LRP1B: variants seen among roughly 807,000 people sequenced by gnomAD.
LRP1B encodes the protein LDL receptor related protein 1B.
A neutral mutation model predicts 556.6 loss-of-function variants in LRP1B; 217 were observed. The ratio of observed to expected loss-of-function variants is 0.39; its 90% confidence interval spans 0.35 to 0.44. LRP1B has a LOEUF of 0.44. LRP1B is among the 20% of genes least tolerant of loss of function. The pLI, the probability that LRP1B is intolerant of heterozygous loss-of-function variation, is 1.00. For missense variants in LRP1B, 5,053 were observed against 5,620.8 expected, an observed-to-expected ratio of 0.90 and a Z score of 3.23; for synonymous variants, 2,047 against 1,865.8, an observed-to-expected ratio of 1.10 and a Z score of -2.50.
At chr2:140,994,465 G>C (rs1697185083) in intron 15 of LRP1B, among the ~76,000 whole-genome samples, 2 of 151,516 alleles carry the variant, frequency 1.3e-5, no homozygotes, top group Non-Finnish European at 2.9e-5. Context: ...AGTGGTAATG[G>C]AGAGGAGAAG....
chr2:141,614,289 A>G (rs535061640), intron 2 of LRP1B, among the ~76,000 whole-genome samples: 1 of 152,048 alleles, frequency 6.6e-6, no homozygotes, highest in African/African-American at 2.4e-5. Flanking sequence ...TTTCACTGCA[A>G]GTTTTCCTGT....
intron 37 of LRP1B, among the ~76,000 whole-genome samples, chr2:140,708,529 T>A (rs1686921295): frequency 6.6e-6 from 1 of 150,954 alleles, no homozygotes; most frequent in Non-Finnish European, 1.5e-5. Context: ...CACACATATA[T>A]AATATTTCAT....
At chr2:142,111,469 A>G (rs1706986416) in intron 1 of LRP1B, among the ~76,000 whole-genome samples, 1 of 152,154 alleles carries the variant, frequency 6.6e-6, no homozygotes, top group Non-Finnish European at 1.5e-5. Flanking sequence ...GCATTCAAGT[A>G]TAGGAAGCAA....
At chr2:140,804,648 AATTTTTTTTTTTTTTT>A (rs1690648075) in intron 32 of LRP1B, among the ~76,000 whole-genome samples, 1 of 103,892 alleles carries the variant, frequency 9.6e-6, no homozygotes. Context: ...GGTAAAAACT[AATTTTTTTTTTTTTTT>A]TTTTTTTTTT....
At chr2:141,592,513 C>G (rs528583268) in intron 2 of LRP1B, among the ~76,000 whole-genome samples, 3 of 152,236 alleles carry the variant, frequency 2.0e-5, no homozygotes, top group African/African-American at 7.2e-5. Flanking sequence ...ATGATGGTAT[C>G]TTGGTGATTA....
At chr2:141,351,718 T>C (rs1688449714) in intron 3 of LRP1B, among the ~76,000 whole-genome samples, 1 of 152,014 alleles carries the variant, frequency 6.6e-6, no homozygotes, top group Non-Finnish European at 1.5e-5. Flanking sequence ...AATACTCTAA[T>C]AACATGAAAT....
chr2:141,220,769 T>TA (rs34002651), intron 6 of LRP1B, among the ~76,000 whole-genome samples: 11,567 of 137,008 alleles, frequency 0.084, 517 homozygotes, highest in South Asian at 0.14. Flanking sequence ...TCAACATTCT[T>TA]AAAAAAAAAA....
chr2:141,677,316 T>C (rs1690921748), intron 2 of LRP1B, among the ~76,000 whole-genome samples: 1 of 152,086 alleles, frequency 6.6e-6, no homozygotes, highest in African/African-American at 2.4e-5. Context: ...GGCAGGAAAC[T>C]GATTAGGCAA....
intron 87 of LRP1B, among the ~76,000 whole-genome samples, chr2:140,241,910 A>C (rs1053457246): frequency 1.3e-5 from 2 of 151,034 alleles, no homozygotes; most frequent in African/African-American, 4.8e-5. Flanking sequence ...ACTGAAAAAC[A>C]TAGACTCTGT....
intron 18 of LRP1B, among the ~76,000 whole-genome samples, chr2:140,957,405 C>T (rs1695905719): frequency 6.6e-6 from 1 of 151,292 alleles, no homozygotes; most frequent in African/African-American, 2.4e-5. Context: ...AATAGGCTTG[C>T]AAGACAGAGT....
At chr2:140,536,906 G>T (rs1286335710) in intron 45 of LRP1B, among the ~76,000 whole-genome samples, 197 bp from the exon 46 acceptor site, 2 of 151,502 alleles carry the variant, frequency 1.3e-5, no homozygotes, top group African/African-American at 4.8e-5. Context: ...AGGCGCGGTG[G>T]CTCACGCCTG....
At chr2:141,125,854 A>AAAAC (rs1553463698) in intron 7 of LRP1B, among the ~76,000 whole-genome samples, 3 of 148,910 alleles carry the variant, frequency 2.0e-5, no homozygotes, top group African/African-American at 5.0e-5. Context: ...CAAAAAAAAA[A>AAAAC]AAAAAAACAA....
At chr2:141,699,614 C>T (rs531630276) in intron 2 of LRP1B, among the ~76,000 whole-genome samples, 1 of 151,422 alleles carries the variant, frequency 6.6e-6, no homozygotes, top group South Asian at 2.1e-4. Context: ...ATCACCTCTC[C>T]GGTGCCAAAA....
intron 35 of LRP1B, among the ~76,000 whole-genome samples, chr2:140,756,080 TA>T (rs1389241375): frequency 6.6e-6 from 1 of 151,792 alleles, no homozygotes; most frequent in Non-Finnish European, 1.5e-5. Context: ...AAAATAAAAT[TA>T]AGAAAATTTC....
intron 1 of LRP1B, among the ~76,000 whole-genome samples, chr2:142,049,706 T>C (rs1472494795): frequency 2.6e-5 from 4 of 152,096 alleles, no homozygotes; most frequent in Non-Finnish European, 5.9e-5. Context: ...CCCATTCAAT[T>C]TACAGCAAGT....
intron 3 of LRP1B, among the ~76,000 whole-genome samples, chr2:141,399,306 A>T (rs528928431): frequency 6.6e-6 from 1 of 152,128 alleles, no homozygotes; most frequent in South Asian, 2.1e-4. Context: ...TTAAAATCCC[A>T]CCCCAAAGTA....
At chr2:140,476,953 G>A (rs1688000421) in intron 59 of LRP1B, among the ~76,000 whole-genome samples, 1 of 151,844 alleles carries the variant, frequency 6.6e-6, no homozygotes, top group African/African-American at 2.4e-5. Context: ...TAGATCCTAA[G>A]CCCCTCAAAA....
rs1321748777 is a variant in LRP1B at position 141,049,231 on chromosome 2, G to C, written c.1553-9C>G. 1.3e-6 allele frequency: 2 copies of C among 1,561,530 alleles called. No individual in the cohort carries two copies. The highest frequency in any genetic ancestry group is 1.8e-6 in the Non-Finnish European group (2 of 1,132,706). ...CAACTCATTCTTTGGTCCTGCAGAG[G>C]AAAGATTACAAACACAAACAACTGA... On this transcript the variant is annotated splice_polypyrimidine_tract_variant and intron_variant, in intron 10 of 90. Transcript: ENST00000389484.
At chr2:140,260,628 T>C (rs1469836677) in intron 86 of LRP1B, among the ~76,000 whole-genome samples, 1 of 151,818 alleles carries the variant, frequency 6.6e-6, no homozygotes, top group African/African-American at 2.4e-5. Flanking sequence ...ATTTTGTATT[T>C]ATTGTTTTTT....
Sources: allele counts gnomAD v4.1 joint callset (sites outside exome capture counted in the v4.1 genomes callset), GRCh38; gene constraint gnomAD v4.1.1; transcripts MANE v1.5; gene names NCBI Gene and HGNC (gene_info 2026-07-23, HGNC 2026-07-21).